Variants in RPL17 observed in about 807,000 individuals in gnomAD.
RPL17 encodes the protein ribosomal protein L17.
A neutral mutation model predicts 27.7 loss-of-function variants in RPL17; 2 were observed. The ratio of observed to expected loss-of-function variants is 0.07; its 90% CI spans 0.03 to 0.23. RPL17 has a LOEUF of 0.23. RPL17 is among the 10% of genes least tolerant of loss of function. RPL17 has a pLI of 1.00. For missense variants in RPL17, 141 were observed against 238.8 expected, an observed-to-expected ratio of 0.59 and a Z score of 2.70; for synonymous variants, 76 against 75.5, an observed-to-expected ratio of 1.01 and a Z score of -0.03.
intron 1 of RPL17, chr18:49,491,828 T>G (rs17712375): frequency 0.039 from 27,725 of 708,614 alleles, 709 homozygotes; most frequent in South Asian, 0.074. Context: ...ACCAATCCAG[T>G]CAACCCTTTG....
At chr18:49,489,254 AAT>A (rs1182211576) in intron 6 of RPL17, 103 bp downstream of exon 6, 3 of 1,278,348 alleles carry the variant, frequency 2.3e-6, no homozygotes, top group Non-Finnish European at 3.3e-6. Flanking sequence ...GGTTGCTCAG[AAT>A]AGTTTTCTTT....
At chr18:49,491,154 T>A in intron 3 of RPL17, 1 of 893,712 alleles carries the variant, frequency 1.1e-6, no homozygotes, top group Non-Finnish European at 1.8e-6. Context: ...TCCATCATCA[T>A]GTAATTACAA....
chr18:49,490,693 C>T, intron 4 of RPL17, 100 bp downstream of exon 4: 1 of 1,592,422 alleles, frequency 6.3e-7, no homozygotes, highest in Non-Finnish European at 8.6e-7. Context: ...TTACAGCAAC[C>T]AGAAATAGGT....
chr18:49,489,091 C>T (rs1488528436), intron 6 of RPL17: 11 of 306,012 alleles, frequency 3.6e-5, no homozygotes, highest in East Asian at 3.0e-4. Context: ...TTAGTAGAGA[C>T]GGGGTTTCAC....
At chr18:49,491,988 T>C (rs2084134668) in intron 1 of RPL17, 2 of 361,368 alleles carry the variant, frequency 5.5e-6, no homozygotes, top group Admixed American at 3.7e-5. Context: ...CTGCAGGTAG[T>C]GAGTGCCGTC....
chr18:49,490,053 C>T (rs1600494857), intron 5 of RPL17, among the ~76,000 whole-genome samples: 1 of 152,168 alleles, frequency 6.6e-6, no homozygotes, highest in South Asian at 2.1e-4. Flanking sequence ...TGAAATGCAA[C>T]ATGACTCTCC....
intron 5 of RPL17, among the ~76,000 whole-genome samples, chr18:49,489,959 A>T (rs1344347935): frequency 6.6e-6 from 1 of 152,226 alleles, no homozygotes; most frequent in African/African-American, 2.4e-5. Flanking sequence ...GCTAATGGGT[A>T]ATATACAAAA....
chr18:49,489,293 A>G (rs2083885394), intron 6 of RPL17, 66 bp downstream of exon 6: 1 of 1,549,632 alleles, frequency 6.5e-7, no homozygotes, highest in African/African-American at 1.4e-5. Context: ...GTGTCCTAAG[A>G]TAGTCATCAC....
At chr18:49,489,643 G>A (rs2083909744) in intron 5 of RPL17, 93 bp from the exon 6 acceptor site, 8 of 1,340,732 alleles carry the variant, frequency 6.0e-6, no homozygotes, top group African/African-American at 1.4e-5. Context: ...TCCCAGGCTT[G>A]CTCCAGAGTC....
intron 1 of RPL17, 181 bp from the exon 2 acceptor site, chr18:49,491,765 T>G: frequency 1.2e-6 from 1 of 839,406 alleles, no homozygotes; most frequent in South Asian, 1.3e-5. Flanking sequence ...GCTTTCCCTT[T>G]TATCTTCCAG....
intron 5 of RPL17, among the ~76,000 whole-genome samples, chr18:49,489,939 A>T (rs570059403): frequency 1.3e-5 from 2 of 152,232 alleles, no homozygotes. Flanking sequence ...CAGACCTTCA[A>T]ATGCAAAAGG....
At chr18:49,490,763 T>G (rs778854816) in intron 4 of RPL17, 30 bp downstream of exon 4, 2 of 1,612,866 alleles carry the variant, frequency 1.2e-6, no homozygotes, top group Non-Finnish European at 8.5e-7. Context: ...TTAAAATCTG[T>G]CTTTTCAAAT....
At chr18:49,490,966 A>C (rs776196859) in intron 3 of RPL17, 39 bp from the exon 4 acceptor site, 2 of 1,607,416 alleles carry the variant, frequency 1.2e-6, no homozygotes, top group Non-Finnish European at 1.7e-6. Flanking sequence ...ACTAGATCAA[A>C]GCTTTAATTT....
chr18:49,491,595 G>C lies in RPL17; in HGVS notation c.-13-11C>G, dbSNP rs556863197. The C allele has an allele frequency of 1.2e-6, 2 of 1,614,022 alleles. No homozygotes were observed. The highest frequency in any genetic ancestry group is 8.5e-7 in the Non-Finnish European group (1 of 1,180,026). On this transcript the variant is annotated splice_polypyrimidine_tract_variant and intron_variant, in intron 1 of 6. Transcript: ENST00000580261. ...ATTTTCACAGATCACCTAGAGGAAA[G>C]TACAGTGTAATTCTGTCAATACGTA...
intron 5 of RPL17, chr18:49,490,222 T>G (rs963537222): frequency 4.2e-5 from 20 of 472,256 alleles, no homozygotes; most frequent in African/African-American, 1.8e-4. Context: ...ATACTAAGTG[T>G]TAGGCTTAAA....
chr18:49,489,304 A>G, intron 6 of RPL17, 55 bp downstream of exon 6: 1 of 1,592,250 alleles, frequency 6.3e-7, no homozygotes, highest in Non-Finnish European at 8.6e-7. Flanking sequence ...TAGTCATCAC[A>G]GCAACCACAA....
At chr18:49,490,623 C>G (rs576884946) in intron 4 of RPL17, 71 bp from the exon 5 acceptor site, 18 of 1,605,684 alleles carry the variant, frequency 1.1e-5, no homozygotes, top group Non-Finnish European at 1.5e-5. Flanking sequence ...ATGAATTTAT[C>G]TGATATCACG....
chr18:49,488,696 A>G (rs1568499764), intron 6 of RPL17, 130 bp from the exon 7 acceptor site: 1 of 645,022 alleles, frequency 1.6e-6, no homozygotes, highest in Non-Finnish European at 2.8e-6. Context: ...AATGGTAGAA[A>G]TCAACAGAAC....
chr18:49,490,406 T>G (rs2083975428), intron 5 of RPL17, 48 bp downstream of exon 5: 4 of 1,590,886 alleles, frequency 2.5e-6, no homozygotes, highest in Admixed American at 3.4e-5. Flanking sequence ...CAGCCAACAT[T>G]AATTAAACAA....
Sources: allele counts gnomAD v4.1 joint callset (sites outside exome capture counted in the v4.1 genomes callset), GRCh38; gene constraint gnomAD v4.1.1; transcripts MANE v1.5; gene names NCBI Gene and HGNC (gene_info 2026-07-23, HGNC 2026-07-21).